The following ZNF599 variants were observed in gnomAD, a reference collection of about 807,000 sequenced individuals.
The protein encoded by ZNF599 is zinc finger protein 599.
ZNF599 carries 10 observed loss-of-function variants against 11.7 expected under a neutral mutation model. That is an observed-to-expected ratio of 0.86 (90% CI 0.53 to 1.45). The LOEUF (loss-of-function observed/expected upper bound fraction) is 1.45, where lower values mean the gene tolerates loss of function less well. Ranked by LOEUF, ZNF599 falls within the 40% of genes most tolerant of loss-of-function variation. ZNF599 has a pLI of 0.00. For synonymous variants in ZNF599, 232 were observed against 253.2 expected, an observed-to-expected ratio of 0.92 and a Z score of 0.79; for missense variants, 688 against 713.6, an observed-to-expected ratio of 0.96 and a Z score of 0.41.
At chr19:34,806,635 AC>A in the ZNF599 span, among the ~76,000 whole-genome samples, 2 of 108,760 alleles carry the variant, frequency 1.8e-5, no homozygotes, top group Admixed American at 1.9e-4. Flanking sequence ...TGGAGTCTGC[AC>A]AGAATAGACT....
chr19:34,780,712 G>C, the ZNF599 span, among the ~76,000 whole-genome samples: 1 of 147,600 alleles, frequency 6.8e-6, no homozygotes, highest in Non-Finnish European at 1.5e-5. Context: ...GCAAGAAAGA[G>C]AAAGAAGGAA....
the ZNF599 span, among the ~76,000 whole-genome samples, chr19:34,779,163 A>AG: frequency 6.6e-6 from 1 of 151,698 alleles, no homozygotes; most frequent in African/African-American, 2.4e-5. Context: ...CCTATACTCA[A>AG]ATCCTGAACT....
At chr19:34,802,525 G>A in the ZNF599 span, among the ~76,000 whole-genome samples, 1 of 152,232 alleles carries the variant, frequency 6.6e-6, no homozygotes, top group Admixed American at 6.5e-5. Flanking sequence ...GTGGGCCAGT[G>A]TTGGAGAACA....
the ZNF599 span, among the ~76,000 whole-genome samples, chr19:34,778,924 T>C: frequency 1.3e-5 from 2 of 152,118 alleles, no homozygotes; most frequent in African/African-American, 2.4e-5. Context: ...CAAAAAAACA[T>C]ACAAAATAAT....
the ZNF599 span, among the ~76,000 whole-genome samples, chr19:34,802,226 G>A: frequency 6.6e-6 from 1 of 152,210 alleles, no homozygotes; most frequent in African/African-American, 2.4e-5. Flanking sequence ...GGAGGAGAGA[G>A]TTTGGGTCAG....
the ZNF599 span, among the ~76,000 whole-genome samples, chr19:34,782,822 C>A: frequency 6.6e-6 from 1 of 152,200 alleles, no homozygotes; most frequent in Non-Finnish European, 1.5e-5. Context: ...CAGCCCCCAC[C>A]TGCCTCAGGG....
chr19:34,772,200 T>G (rs2069187534), intron 1 of ZNF599: 1 of 426,972 alleles, frequency 2.3e-6, no homozygotes, highest in Admixed American at 6.4e-5. Flanking sequence ...GAGCATGTGT[T>G]AAACAGAAGC....
the ZNF599 span, among the ~76,000 whole-genome samples, chr19:34,787,845 C>T: frequency 2.6e-5 from 4 of 152,156 alleles, no homozygotes; most frequent in Admixed American, 2.0e-4. Flanking sequence ...TCCTAAGCAC[C>T]TACTCAGTTT....
upstream of ZNF599, among the ~76,000 whole-genome samples, chr19:34,776,446 T>G (rs1420651986): frequency 6.6e-6 from 1 of 152,226 alleles, no homozygotes; most frequent in Admixed American, 6.5e-5. Flanking sequence ...CTCAGGGATA[T>G]TCCCAGAATT....
At chr19:34,772,488 C>G (rs1015432323) in intron 1 of ZNF599, 46 of 1,201,580 alleles carry the variant, frequency 3.8e-5, no homozygotes, top group Non-Finnish European at 4.7e-5. Flanking sequence ...AAGACAGGAC[C>G]CACGTCACAA....
the ZNF599 span, among the ~76,000 whole-genome samples, chr19:34,804,046 C>T: frequency 2.0e-5 from 3 of 152,202 alleles, no homozygotes; most frequent in Admixed American, 6.5e-5. Context: ...GCTTTCACTG[C>T]CAAGGGCAAC....
At chr19:34,788,182 C>T in the ZNF599 span, among the ~76,000 whole-genome samples, 1 of 152,148 alleles carries the variant, frequency 6.6e-6, no homozygotes, top group South Asian at 2.1e-4. Context: ...TCTGTGGATG[C>T]AGTATCTGTG....
the ZNF599 span, among the ~76,000 whole-genome samples, chr19:34,792,595 G>A: frequency 2.0e-5 from 3 of 152,166 alleles, no homozygotes; most frequent in Non-Finnish European, 1.5e-5. Flanking sequence ...CAGGTGCGGT[G>A]GCTCACGCCT....
chr19:34,785,813 T>C, the ZNF599 span, among the ~76,000 whole-genome samples: 2 of 152,130 alleles, frequency 1.3e-5, no homozygotes, highest in Admixed American at 6.5e-5. Flanking sequence ...CAGTAAAACA[T>C]TGGAACAATA....
chr19:34,785,681 G>T, the ZNF599 span, among the ~76,000 whole-genome samples: 1 of 152,192 alleles, frequency 6.6e-6, no homozygotes, highest in Non-Finnish European at 1.5e-5. Flanking sequence ...ATCCATCAAT[G>T]CCACCATATC....
At chr19:34,766,889 A>T (rs1408025101) in intron 3 of ZNF599, 2 of 156,812 alleles carry the variant, frequency 1.3e-5, no homozygotes, top group African/African-American at 4.8e-5. Context: ...GTGATCCATA[A>T]ATAAATACAG....
chr19:34,784,420 T>C, the ZNF599 span, among the ~76,000 whole-genome samples: 1 of 152,218 alleles, frequency 6.6e-6, no homozygotes, highest in African/African-American at 2.4e-5. Flanking sequence ...TTTAAGGTAC[T>C]GAGTATTAAG....
upstream of ZNF599, among the ~76,000 whole-genome samples, chr19:34,777,982 A>C (rs1156284822): frequency 6.6e-6 from 1 of 152,090 alleles, no homozygotes; most frequent in Non-Finnish European, 1.5e-5. Flanking sequence ...TTACTACAGT[A>C]AAAGGGGGGG....
At chr19:34,799,388 G>A in the ZNF599 span, among the ~76,000 whole-genome samples, 1 of 152,098 alleles carries the variant, frequency 6.6e-6, no homozygotes, top group South Asian at 2.1e-4. Flanking sequence ...TGTCTTGATA[G>A]CCCATTTGGT....
Sources: allele counts gnomAD v4.1 joint callset (sites outside exome capture counted in the v4.1 genomes callset), GRCh38; gene constraint gnomAD v4.1.1; transcripts MANE v1.5; gene names NCBI Gene and HGNC (gene_info 2026-07-23, HGNC 2026-07-21).